KIAA1217: variants seen among roughly 807,000 people sequenced by gnomAD.
The protein encoded by KIAA1217 is KIAA1217.
In KIAA1217, 88 loss-of-function variants were observed where a neutral mutation model predicts 163.9. That is an observed-to-expected ratio of 0.54 (90% CI 0.45 to 0.64). KIAA1217 has a LOEUF of 0.64. Among genes scored for constraint, KIAA1217 ranks in the 30% least tolerant of loss-of-function variants. The probability of loss-of-function intolerance (pLI) is 0.00; values close to 1 mark genes in which losing one functional copy is unlikely to be tolerated. For synonymous variants in KIAA1217, 903 were observed against 923.1 expected, an observed-to-expected ratio of 0.98 and a Z score of 0.39; for missense variants, 2,372 against 2,475.0, an observed-to-expected ratio of 0.96 and a Z score of 0.88.
chr10:24,169,092 A>T (rs2131907556), intron 2 of KIAA1217, among the ~76,000 whole-genome samples: 1 of 152,372 alleles, frequency 6.6e-6, no homozygotes. Context: ...GAAACATGAG[A>T]TACAATAACA....
intron 1 of KIAA1217, among the ~76,000 whole-genome samples, chr10:23,768,102 A>G (rs982335058): frequency 1.3e-5 from 2 of 152,212 alleles, no homozygotes; most frequent in Non-Finnish European, 2.9e-5. Flanking sequence ...AGTGAATCCA[A>G]TGAACAGTAA....
At position 23,831,712 on chromosome 10, in the gene KIAA1217, A is replaced by G. The variant is rs113587741; in HGVS notation, c.-321+136478A>G. On this transcript the variant is annotated intron_variant, in intron 1 of 18. Transcript: ENST00000376462. The stretch of plus-strand genomic sequence containing the variant: ...TCTTGATCTCCCATTTCTGGTTTTC[A>G]TTCTTCTTGTGGTTATATTTATAAT... Among the ~76,000 whole-genome samples the G allele has an allele frequency of 5.2e-3, 792 of 152,208 alleles. 11 individuals are homozygous for G. Among genetic ancestry groups the G allele is most frequent in the African/African-American group, 0.017 (715 of 41,542 alleles).
chr10:24,501,206 G>A (rs2067539502), intron 8 of KIAA1217, among the ~76,000 whole-genome samples, 173 bp from the exon 9 acceptor site: 1 of 152,186 alleles, frequency 6.6e-6, no homozygotes, highest in African/African-American at 2.4e-5. Flanking sequence ...CTTCTAGAAT[G>A]TGATCATTGC....
intron 3 of KIAA1217, among the ~76,000 whole-genome samples, chr10:24,401,499 A>G (rs1352772329): frequency 6.6e-6 from 1 of 152,200 alleles, no homozygotes; most frequent in Non-Finnish European, 1.5e-5. Flanking sequence ...TCATATGATC[A>G]TGTTAATTGA....
chr10:23,869,278 A>C (rs1000185203), intron 1 of KIAA1217, among the ~76,000 whole-genome samples: 13 of 151,884 alleles, frequency 8.6e-5, no homozygotes, highest in African/African-American at 3.1e-4. Flanking sequence ...TTGAAGGAAA[A>C]GTGAGTCATA....
At chr10:24,061,500 A>G (rs2060720335) in intron 2 of KIAA1217, among the ~76,000 whole-genome samples, 2 of 152,094 alleles carry the variant, frequency 1.3e-5, no homozygotes, top group Admixed American at 6.6e-5. Flanking sequence ...CTACTTTCTT[A>G]TGATAATGTG....
intron 1 of KIAA1217, among the ~76,000 whole-genome samples, chr10:23,712,590 G>A (rs773591598): frequency 5.3e-5 from 8 of 151,948 alleles, no homozygotes; most frequent in Non-Finnish European, 1.0e-4. Flanking sequence ...TTTATTTCAA[G>A]GGCACTTTTT....
intron 2 of KIAA1217, among the ~76,000 whole-genome samples, chr10:24,367,602 C>T (rs1264303508): frequency 6.6e-6 from 1 of 152,314 alleles, no homozygotes; most frequent in Admixed American, 6.5e-5. Flanking sequence ...AAAACAGAAG[C>T]CTGAATCATT....
At chr10:23,747,153 T>C (rs1261543354) in intron 1 of KIAA1217, among the ~76,000 whole-genome samples, 7 of 152,140 alleles carry the variant, frequency 4.6e-5, no homozygotes, top group Admixed American at 4.6e-4. Context: ...GAACGTAATC[T>C]GATTTGGCAA....
chr10:24,247,851 A>G (rs962155065), intron 2 of KIAA1217, among the ~76,000 whole-genome samples: 4 of 152,222 alleles, frequency 2.6e-5, no homozygotes, highest in Non-Finnish European at 2.9e-5. Flanking sequence ...GAGAGGGACT[A>G]GAAGACTAAT....
intron 1 of KIAA1217, among the ~76,000 whole-genome samples, chr10:23,730,866 G>T (rs1313365067): frequency 6.6e-6 from 1 of 152,094 alleles, no homozygotes; most frequent in African/African-American, 2.4e-5. Flanking sequence ...TGCTATAATT[G>T]CTTGTTAGTT....
At chr10:24,447,892 G>A (rs1218401960) in intron 5 of KIAA1217, among the ~76,000 whole-genome samples, 2 of 152,142 alleles carry the variant, frequency 1.3e-5, no homozygotes, top group Admixed American at 1.3e-4. Flanking sequence ...AGCACTTTGG[G>A]AGGCTGAGGC....
chr10:24,306,240 A>C (rs1302348265), intron 2 of KIAA1217, among the ~76,000 whole-genome samples: 1 of 152,196 alleles, frequency 6.6e-6, no homozygotes, highest in Non-Finnish European at 1.5e-5. Flanking sequence ...CCAACTTGGA[A>C]ATCAGTCATC....
chr10:24,070,501 C>A (rs537559700), intron 2 of KIAA1217, among the ~76,000 whole-genome samples: 2 of 152,180 alleles, frequency 1.3e-5, no homozygotes, highest in African/African-American at 2.4e-5. Flanking sequence ...ACAAGTAATA[C>A]AAATAATCAA....
At chr10:24,335,354 A>G (rs565880218) in intron 2 of KIAA1217, among the ~76,000 whole-genome samples, 3 of 149,286 alleles carry the variant, frequency 2.0e-5, no homozygotes, top group African/African-American at 4.9e-5. Flanking sequence ...GTGCAGTGGC[A>G]CAATCTCAGC....
At chr10:23,784,215 T>C (rs1835387669) in intron 1 of KIAA1217, among the ~76,000 whole-genome samples, 1 of 152,170 alleles carries the variant, frequency 6.6e-6, no homozygotes, top group Non-Finnish European at 1.5e-5. Context: ...TGACAATTTT[T>C]GACTTAAAAT....
At chr10:23,772,439 A>C (rs1834838669) in intron 1 of KIAA1217, among the ~76,000 whole-genome samples, 3 of 152,164 alleles carry the variant, frequency 2.0e-5, no homozygotes, top group South Asian at 4.1e-4. Flanking sequence ...ATAATAAAGA[A>C]ATGCAGGAGG....
intron 2 of KIAA1217, among the ~76,000 whole-genome samples, chr10:24,224,965 T>C (rs900515886): frequency 7.2e-5 from 11 of 151,788 alleles, no homozygotes; most frequent in Non-Finnish European, 1.3e-4. Flanking sequence ...TAGCTGGGAC[T>C]ACAGGCGCCC....
intron 1 of KIAA1217, among the ~76,000 whole-genome samples, chr10:23,725,352 C>T (rs1838077679): frequency 6.6e-6 from 1 of 152,164 alleles, no homozygotes. Flanking sequence ...AGTTAGAATG[C>T]ACATAGAAGG....
Sources: allele counts gnomAD v4.1 joint callset (sites outside exome capture counted in the v4.1 genomes callset), GRCh38; gene constraint gnomAD v4.1.1; transcripts MANE v1.5; gene names NCBI Gene and HGNC (gene_info 2026-07-23, HGNC 2026-07-21).